DPYD: variants seen among roughly 807,000 people sequenced by gnomAD.
The protein encoded by DPYD is dihydropyrimidine dehydrogenase [NADP(+)].
In DPYD, 109 loss-of-function variants were observed where a neutral mutation model predicts 116.2. The observed-to-expected ratio is 0.94, with a 90% confidence interval of 0.80 to 1.10. The LOEUF is 1.10. Among genes scored for constraint, DPYD ranks in the 50% least tolerant of loss-of-function variants. The probability of loss-of-function intolerance (pLI) is 0.00; values close to 1 mark genes in which losing one functional copy is unlikely to be tolerated. For missense variants in DPYD, 1,302 were observed against 1,254.5 expected (o/e 1.04, Z -0.57); for synonymous variants, 440 against 432.0 (o/e 1.02, Z -0.23).
chr1:97,905,893 A>T (rs4394694), intron 1 of DPYD, among the ~76,000 whole-genome samples: 113,129 of 151,994 alleles, frequency 0.74, 42,442 homozygotes, highest in East Asian at 0.93. Flanking sequence ...TCATATTCAT[A>T]GATTTTAGTT....
intron 18 of DPYD, among the ~76,000 whole-genome samples, chr1:97,287,383 C>T (rs984269308): frequency 3.4e-4 from 52 of 152,164 alleles, no homozygotes; most frequent in Non-Finnish European, 6.9e-4. Context: ...AGGGGTCAGG[C>T]ACCCACTTGA....
chr1:97,714,668 A>C (rs1270811534), intron 5 of DPYD, among the ~76,000 whole-genome samples: 1 of 151,624 alleles, frequency 6.6e-6, no homozygotes, highest in East Asian at 1.9e-4. Context: ...AAAAAAAAAA[A>C]AAAAAACAAC....
chr1:97,826,028 G>GTGTT (rs1331714045), intron 3 of DPYD, among the ~76,000 whole-genome samples: 1 of 50,108 alleles, frequency 2.0e-5, no homozygotes, highest in Non-Finnish European at 3.8e-5. Context: ...CCAATAATGT[G>GTGTT]TGTCTGTGTG....
At chr1:97,395,911 C>T (rs778210013) in intron 14 of DPYD, among the ~76,000 whole-genome samples, 2 of 152,116 alleles carry the variant, frequency 1.3e-5, no homozygotes, top group Middle Eastern at 6.8e-3. Context: ...CCTAGATTAG[C>T]CAGTCCCTAG....
chr1:97,817,964 T>C (rs1668716590), intron 3 of DPYD, among the ~76,000 whole-genome samples: 1 of 152,038 alleles, frequency 6.6e-6, no homozygotes, highest in South Asian at 2.1e-4. Context: ...CATTCTAGAG[T>C]AACGACTTAG....
chr1:97,793,538 G>C (rs1477752929), intron 3 of DPYD, among the ~76,000 whole-genome samples: 1 of 152,004 alleles, frequency 6.6e-6, no homozygotes, highest in African/African-American at 2.4e-5. Flanking sequence ...AGTCCAGAAA[G>C]AGACCCACAA....
chr1:97,189,781 A>G lies in DPYD; in HGVS notation c.2622+3288T>C, dbSNP rs941073436. On this transcript the variant is annotated intron_variant, in intron 20 of 22. Transcript: ENST00000370192. ...ATTTTAGAAATGTAAAATGGTACAT[A>G]CACCTAATTTTAATAAACACTCCCT... is the stretch of plus-strand genomic sequence containing the variant. Among the ~76,000 whole-genome samples the G allele has an allele frequency of 3.3e-5, 5 of 152,288 alleles. No homozygotes were observed. In the South Asian group the frequency reaches 1.0e-3, roughly 32 times the overall value.
chr1:97,415,247 T>C (rs903419870), intron 14 of DPYD, among the ~76,000 whole-genome samples: 3 of 152,200 alleles, frequency 2.0e-5, no homozygotes, highest in Non-Finnish European at 4.4e-5. Flanking sequence ...TTTAAGCAAC[T>C]GTTGTAGCAC....
At chr1:97,621,238 T>C (rs1478872752) in intron 8 of DPYD, among the ~76,000 whole-genome samples, 4 of 152,052 alleles carry the variant, frequency 2.6e-5, no homozygotes, top group African/African-American at 9.7e-5. Context: ...ATTGGAATGG[T>C]GGTATGAATT....
At chr1:97,160,611 T>C (rs957728870) in intron 20 of DPYD, among the ~76,000 whole-genome samples, 1 of 152,198 alleles carries the variant, frequency 6.6e-6, no homozygotes, top group South Asian at 2.1e-4. Flanking sequence ...GGGTTTAAAA[T>C]CAATTACAAT....
chr1:97,152,630 G>A (rs1655116166), intron 20 of DPYD, among the ~76,000 whole-genome samples: 1 of 150,448 alleles, frequency 6.6e-6, no homozygotes, highest in African/African-American at 2.4e-5. Context: ...TATATCTATT[G>A]TATATAACAT....
At chr1:97,730,504 G>T (rs1040500027) in intron 4 of DPYD, among the ~76,000 whole-genome samples, 2 of 151,958 alleles carry the variant, frequency 1.3e-5, no homozygotes, top group Non-Finnish European at 1.5e-5. Flanking sequence ...GATTACACAC[G>T]TTAGTCTCTG....
In DPYD at chr1:97,898,709, G is replaced by A. The variant is rs973484639; in HGVS notation, c.40-15335C>T. 1.4e-4 allele frequency among the ~76,000 whole-genome samples: 21 copies of A among 151,852 alleles called. 1 individual carries two copies. Among genetic ancestry groups the A allele is most frequent in the African/African-American group, 1.4e-4 (6 of 41,380 alleles). ...AACTGTAATAATCCCCATGTCACAC[G>A]GGTGGGGCTAGGTGAAGGTAACTGA... On this transcript the variant is annotated intron_variant, in intron 1 of 22. Transcript: ENST00000370192.
intron 18 of DPYD, among the ~76,000 whole-genome samples, chr1:97,267,445 A>G (rs1664310925): frequency 6.6e-6 from 1 of 152,106 alleles, no homozygotes; most frequent in Admixed American, 6.6e-5. Context: ...GATCAGATTC[A>G]TTTTTTACAG....
intron 14 of DPYD, among the ~76,000 whole-genome samples, chr1:97,439,460 G>A (rs1035409346): frequency 6.6e-6 from 1 of 152,088 alleles, no homozygotes; most frequent in African/African-American, 2.4e-5. Flanking sequence ...GTCCTTCAAG[G>A]AAATTGTCCA....
At chr1:97,482,783 TG>T (rs1678397999) in intron 13 of DPYD, among the ~76,000 whole-genome samples, 1 of 152,132 alleles carries the variant, frequency 6.6e-6, no homozygotes, top group Admixed American at 6.6e-5. Context: ...CCTCTGCCTT[TG>T]CCCCTAACTT....
chr1:97,779,879 C>T (rs751457063), intron 3 of DPYD, among the ~76,000 whole-genome samples: 3 of 152,058 alleles, frequency 2.0e-5, no homozygotes, highest in Non-Finnish European at 4.4e-5. Flanking sequence ...GCTGTAGGGC[C>T]ATGATCAGTT....
chr1:97,127,606 C>T (rs1362201442), intron 20 of DPYD, among the ~76,000 whole-genome samples: 1 of 152,120 alleles, frequency 6.6e-6, no homozygotes, highest in Non-Finnish European at 1.5e-5. Context: ...CTCATTTTCC[C>T]CCATCCTCAT....
At chr1:97,540,039 C>A (rs1054464995) in intron 12 of DPYD, among the ~76,000 whole-genome samples, 13 of 152,002 alleles carry the variant, frequency 8.6e-5, no homozygotes, top group African/African-American at 2.9e-4. Context: ...CAGGTGTGTG[C>A]GAACTGCTCC....
Sources: gnomAD v4.1 joint callset for allele counts (sites outside exome capture counted in the v4.1 genomes callset) on GRCh38, gnomAD v4.1.1 for gene constraint, MANE v1.5 for transcripts, NCBI Gene and HGNC (gene_info 2026-07-23, HGNC 2026-07-21) for gene names.